SEMA3A: variants seen among roughly 807,000 people sequenced by gnomAD.
SEMA3A encodes the protein semaphorin-3A.
A neutral mutation model predicts 97.9 loss-of-function variants in SEMA3A; 29 were observed. That is an observed-to-expected ratio of 0.30 (90% CI 0.22 to 0.40). SEMA3A has a LOEUF of 0.40. SEMA3A is among the 10% of genes least tolerant of loss of function. SEMA3A has a pLI of 1.00. For missense variants in SEMA3A, 763 were observed against 951.3 expected, an observed-to-expected ratio of 0.80 and a Z score of 2.60; for synonymous variants, 321 against 323.7, an observed-to-expected ratio of 0.99 and a Z score of 0.09.
intron 3 of SEMA3A, among the ~76,000 whole-genome samples, chr7:84,117,252 T>A (rs1311228368): frequency 6.6e-6 from 1 of 152,216 alleles, no homozygotes; most frequent in East Asian, 1.9e-4. Flanking sequence ...TTGGAATTTT[T>A]AAATTTATTT....
intron 1 of SEMA3A, among the ~76,000 whole-genome samples, chr7:84,156,347 T>C (rs1181609827): frequency 6.6e-6 from 1 of 152,158 alleles, no homozygotes; most frequent in Non-Finnish European, 1.5e-5. Context: ...ACAAAAGTAA[T>C]CTTTCAAATA....
At chr7:84,461,539 T>A (rs1379001895) in intron 1 of SEMA3A, among the ~76,000 whole-genome samples, 1 of 151,982 alleles carries the variant, frequency 6.6e-6, no homozygotes, top group African/African-American at 2.4e-5. Flanking sequence ...GACTTATGCA[T>A]GAAGAGATAA....
At position 84,477,159 on chromosome 7, in the gene SEMA3A, C is replaced by A. The variant is rs535544050; in HGVS notation, c.-246+15301G>T. Among the ~76,000 whole-genome samples, 12 of 149,720 alleles carry A rather than the reference C, an allele frequency of 8.0e-5. No homozygotes were observed. In the East Asian group the frequency reaches 2.3e-3, roughly 29 times the overall value. ...AACAATTAAAATGACTTAAAATAGG[C>A]AGGGTGCTGTGGCTCACACCTGTAA... is the stretch of plus-strand genomic sequence containing the variant. On this transcript the variant is annotated intron_variant, in intron 1 of 3. Coordinates refer to the SEMA3A transcript ENST00000424555.
At chr7:84,382,702 CAAAAAAAAA>C (rs377120252) in intron 1 of SEMA3A, among the ~76,000 whole-genome samples, 4 of 82,070 alleles carry the variant, frequency 4.9e-5, no homozygotes, top group Non-Finnish European at 7.0e-5. Context: ...ACTAAAAATC[CAAAAAAAAA>C]AAAAAAAAAA....
At chr7:84,224,645 A>C (rs530268020) in intron 3 of SEMA3A, among the ~76,000 whole-genome samples, 1 of 152,164 alleles carries the variant, frequency 6.6e-6, no homozygotes, top group African/African-American at 2.4e-5. Context: ...AGGCAGTGTG[A>C]GGAAAGAGAG....
At chr7:84,052,247 C>T (rs1175772398) in intron 5 of SEMA3A, among the ~76,000 whole-genome samples, 1 of 152,020 alleles carries the variant, frequency 6.6e-6, no homozygotes, top group Non-Finnish European at 1.5e-5. Flanking sequence ...GGGAGGATTC[C>T]CTCTTTTTCT....
chr7:84,366,304 A>T (rs1022947829), intron 2 of SEMA3A, among the ~76,000 whole-genome samples: 2 of 151,374 alleles, frequency 1.3e-5, no homozygotes, highest in Non-Finnish European at 3.0e-5. Flanking sequence ...TAGGCCCACG[A>T]AATACATTTT....
chr7:84,117,175 G>T (rs1004961843), intron 3 of SEMA3A, among the ~76,000 whole-genome samples: 5 of 151,954 alleles, frequency 3.3e-5, no homozygotes, highest in Non-Finnish European at 7.4e-5. Flanking sequence ...GTGGATATTT[G>T]TATGCAAACC....
At position 84,424,618 on chromosome 7, in the gene SEMA3A, A is replaced by T. The variant is rs867364063; in HGVS notation, c.-245-52718T>A. On this transcript the variant is annotated intron_variant, in intron 1 of 3. Transcript: ENST00000424555. ...TATATAAATATTAATATATAATATAATATATAATATATATACAATATATAT... is the reference window on the plus strand; with the variant it reads ...TATATAAATATTAATATATAATATATTATATAATATATATACAATATATAT... Among the ~76,000 whole-genome samples, 296 of 42,996 alleles carry T rather than the reference A, an allele frequency of 6.9e-3. 17 individuals are homozygous for T. The highest frequency in any genetic ancestry group is 0.037 in the African/African-American group (258 of 7,006). 28.2% of individuals were successfully genotyped at this position (42,996 alleles called of 152,430 possible). A position where few individuals can be genotyped will look rare whatever the true frequency, so the allele number is the denominator to read the frequency against.
chr7:84,065,444 A>C (rs533620473), intron 4 of SEMA3A, among the ~76,000 whole-genome samples: 1 of 151,478 alleles, frequency 6.6e-6, no homozygotes, highest in Admixed American at 6.6e-5. Flanking sequence ...GGAAGTAGAG[A>C]CACAAAAAAC....
Position 84,141,297 on chromosome 7 carries a change from G to A in SEMA3A, c.113-6346C>T, listed in dbSNP as rs1426347267. On this transcript the variant is annotated intron_variant, in intron 1 of 16. Transcript: ENST00000265362. ...ACTTTTACCTTGACTAGTCTCTCCAGCCTGTGCCAGAGGCCACAGCAGTCT... is the reference window on the plus strand; with the variant it reads ...ACTTTTACCTTGACTAGTCTCTCCAACCTGTGCCAGAGGCCACAGCAGTCT... 5.3e-5 allele frequency among the ~76,000 whole-genome samples: 8 copies of A among 152,026 alleles called. No individual in the cohort carries two copies. The East Asian group carries it at 1.2e-3, about 22-fold the overall frequency.
At chr7:84,097,768 T>G (rs539340132) in intron 4 of SEMA3A, among the ~76,000 whole-genome samples, 3 of 152,124 alleles carry the variant, frequency 2.0e-5, no homozygotes, top group Non-Finnish European at 4.4e-5. Flanking sequence ...AGAAGTAGAT[T>G]TTAAATTACT....
chr7:84,197,699 C>T (rs1314523269), upstream of SEMA3A, among the ~76,000 whole-genome samples: 2 of 145,702 alleles, frequency 1.4e-5, no homozygotes, highest in African/African-American at 2.5e-5. Context: ...GTGTACAATG[C>T]AGATTTTAAT....
At chr7:84,003,273 A>G (rs1215389899) in intron 11 of SEMA3A, among the ~76,000 whole-genome samples, 1 of 152,076 alleles carries the variant, frequency 6.6e-6, no homozygotes, top group Non-Finnish European at 1.5e-5. Flanking sequence ...TCATAACACT[A>G]AAGATTAAAG....
At chr7:83,990,307 A>C (rs530802726) in intron 12 of SEMA3A, among the ~76,000 whole-genome samples, 8 of 152,162 alleles carry the variant, frequency 5.3e-5, no homozygotes, top group Non-Finnish European at 1.2e-4. Flanking sequence ...TGCTGTGCAG[A>C]AGCTCTTTAG....
chr7:84,051,518 T>C (rs1337648271), intron 5 of SEMA3A, among the ~76,000 whole-genome samples: 2 of 152,196 alleles, frequency 1.3e-5, no homozygotes, highest in Non-Finnish European at 2.9e-5. Flanking sequence ...GTTTGTCTGT[T>C]GATGGTGTAT....
Position 84,099,101 on chromosome 7 carries a change from C to G in SEMA3A, c.453+11369G>C, listed in dbSNP as rs1413962194. Among the ~76,000 whole-genome samples the G allele has an allele frequency of 4.4e-5, 2 of 45,772 alleles. 1 individual carries two copies. The highest frequency in any genetic ancestry group is 9.2e-5 in the African/African-American group (2 of 21,762). The allele number at this position is 45,772 out of a possible 152,430, so 30.0% of individuals were successfully genotyped here. ...TTTTTTTTTTTTTGAGACGGAGTCT[C>G]GCTCTGTCGCCCAGGCTGGAGTGCA... On this transcript the variant is annotated intron_variant, in intron 4 of 16. Transcript: ENST00000265362.
chr7:84,289,449 T>C (rs899601449), intron 3 of SEMA3A, among the ~76,000 whole-genome samples: 1 of 152,068 alleles, frequency 6.6e-6, no homozygotes, highest in Non-Finnish European at 1.5e-5. Flanking sequence ...CTGCACACTA[T>C]ATACACGTAT....
chr7:84,356,326 A>G (rs1208060551), intron 2 of SEMA3A, among the ~76,000 whole-genome samples: 1 of 151,682 alleles, frequency 6.6e-6, no homozygotes, highest in African/African-American at 2.4e-5. Context: ...CTAAATGCAA[A>G]TTAATTTTAC....
Sources: gnomAD v4.1 joint callset for allele counts (sites outside exome capture counted in the v4.1 genomes callset) on GRCh38, gnomAD v4.1.1 for gene constraint, MANE v1.5 for transcripts, NCBI Gene and HGNC (gene_info 2026-07-23, HGNC 2026-07-21) for gene names.